The following LRRC4C variants were observed in gnomAD, a reference collection of about 807,000 sequenced individuals.
LRRC4C encodes the protein leucine-rich repeat-containing protein 4C.
In LRRC4C, 5 loss-of-function variants were observed where a neutral mutation model predicts 33.6. That is an observed-to-expected ratio of 0.15 (90% CI 0.08 to 0.31). The LOEUF (loss-of-function observed/expected upper bound fraction) is 0.31. Ranked by LOEUF, LRRC4C falls within the 10% of genes least tolerant of loss-of-function variation. The pLI is 1.00. For missense variants in LRRC4C, 560 were observed against 796.7 expected (o/e 0.70, Z 3.58); for synonymous variants, 329 against 302.0 (o/e 1.09, Z -0.93).
At chr11:40,723,049 A>G (rs994964992) in intron 2 of LRRC4C, among the ~76,000 whole-genome samples, 8 of 152,158 alleles carry the variant, frequency 5.3e-5, no homozygotes, top group Admixed American at 1.3e-4. Context: ...TCAGACAAAA[A>G]TAAAGAAAAA....
In LRRC4C at chr11:40,450,873, G is replaced by A. The variant is rs546079774; in HGVS notation, c.-269-131152C>T. On this transcript the variant is annotated intron_variant, in intron 3 of 6. Coordinates refer to ENST00000528697, the MANE Select transcript of LRRC4C (RefSeq NM_001258419.2). Reference sequence around the variant, plus strand: ...AAAGAGAAAGAAATTTTGGAAATTCGCAAACATGTGGAAGTTAAACAATAC... The same window carrying A: ...AAAGAGAAAGAAATTTTGGAAATTCACAAACATGTGGAAGTTAAACAATAC... Among the ~76,000 whole-genome samples, 11 of 150,996 alleles carry A rather than the reference G, an allele frequency of 7.3e-5. No individual in the cohort carries two copies. In the East Asian group the frequency reaches 1.6e-3, roughly 21 times the overall value.
At chr11:41,394,567 G>A (rs1953731817) in intron 1 of LRRC4C, 2 of 151,938 alleles carry the variant, frequency 1.3e-5, no homozygotes, top group Non-Finnish European at 2.9e-5. Context: ...AAAGAAGGAT[G>A]ATTTGATCCT....
chr11:40,347,825 C>T (rs1947203337), intron 3 of LRRC4C, among the ~76,000 whole-genome samples: 1 of 152,270 alleles, frequency 6.6e-6, no homozygotes, highest in South Asian at 2.1e-4. Flanking sequence ...TCAGGCTGGC[C>T]TCAGACTCCC....
intron 2 of LRRC4C, among the ~76,000 whole-genome samples, chr11:40,815,064 G>C (rs1951651905): frequency 6.6e-6 from 1 of 152,030 alleles, no homozygotes; most frequent in Non-Finnish European, 1.5e-5. Context: ...CCAATTTACT[G>C]TATTAGTCCA....
chr11:40,230,521 T>A (rs1172434963), intron 5 of LRRC4C, among the ~76,000 whole-genome samples: 1 of 152,106 alleles, frequency 6.6e-6, no homozygotes, highest in East Asian at 1.9e-4. Flanking sequence ...CAGACTTCAG[T>A]TGGGGTGATT....
At chr11:41,345,416 T>A (rs970039714) in intron 1 of LRRC4C, among the ~76,000 whole-genome samples, 4 of 152,216 alleles carry the variant, frequency 2.6e-5, no homozygotes, top group Non-Finnish European at 4.4e-5. Context: ...TGCTAATTGA[T>A]AAATGAATAT....
chr11:41,422,300 C>T (rs1954896728), intron 1 of LRRC4C, among the ~76,000 whole-genome samples: 1 of 152,008 alleles, frequency 6.6e-6, no homozygotes. Context: ...CCTGAACCAA[C>T]TATGACAATC....
chr11:40,604,543 T>C (rs2135831705), intron 3 of LRRC4C, among the ~76,000 whole-genome samples: 1 of 152,232 alleles, frequency 6.6e-6, no homozygotes, highest in Non-Finnish European at 1.5e-5. Flanking sequence ...AGGTAGTTTG[T>C]AATAAAATCT....
chr11:41,018,072 A>T (rs113284423), intron 1 of LRRC4C, among the ~76,000 whole-genome samples: 2 of 30,926 alleles, frequency 6.5e-5, no homozygotes, highest in East Asian at 8.2e-4. Flanking sequence ...TCCATGGACC[A>T]GGGGCAATAA....
chr11:40,908,617 T>C (rs1421033918), intron 2 of LRRC4C, among the ~76,000 whole-genome samples: 3 of 152,166 alleles, frequency 2.0e-5, no homozygotes, highest in Admixed American at 2.0e-4. Context: ...AACATTTAGA[T>C]GATCTTCTAA....
At chr11:41,393,508 A>G (rs1953685072) in intron 1 of LRRC4C, among the ~76,000 whole-genome samples, 1 of 151,840 alleles carries the variant, frequency 6.6e-6, no homozygotes, top group African/African-American at 2.4e-5. Context: ...AGAGAGCAGC[A>G]ATCACTCTTT....
intron 2 of LRRC4C, among the ~76,000 whole-genome samples, chr11:40,756,890 G>GA (rs760089245): frequency 2.9e-3 from 447 of 151,556 alleles, no homozygotes; most frequent in Admixed American, 5.1e-3. Flanking sequence ...CTTTCTGTCA[G>GA]ACTTTTTTTT....
At chr11:40,978,135 T>C (rs1346169587) in intron 1 of LRRC4C, among the ~76,000 whole-genome samples, 1 of 152,228 alleles carries the variant, frequency 6.6e-6, no homozygotes, top group Non-Finnish European at 1.5e-5. Flanking sequence ...CTTCCATTTA[T>C]TATTGCATTA....
intron 1 of LRRC4C, among the ~76,000 whole-genome samples, chr11:41,127,408 A>C (rs1942796674): frequency 6.6e-6 from 1 of 152,106 alleles, no homozygotes; most frequent in South Asian, 2.1e-4. Context: ...AAACGAAAGA[A>C]TATGGAAGTA....
intron 2 of LRRC4C, among the ~76,000 whole-genome samples, chr11:40,884,380 G>C (rs1360389895): frequency 6.6e-6 from 1 of 152,040 alleles, no homozygotes; most frequent in Non-Finnish European, 1.5e-5. Context: ...ACATATGTGT[G>C]CATGTTTATT....
rs1179668704 is a variant in LRRC4C at position 40,933,733 on chromosome 11, A to G, written c.-495-10T>C. 1.3e-5 allele frequency: 2 copies of G among 152,254 alleles called. No homozygotes were observed. The highest frequency in any genetic ancestry group is 2.1e-4 in the South Asian group (1 of 4,836). The allele number at this position is 152,254 out of a possible 1,614,324, so 9.4% of individuals were successfully genotyped here. On this transcript the variant is annotated splice_polypyrimidine_tract_variant and intron_variant, in intron 1 of 6. Coordinates refer to ENST00000528697, the MANE Select transcript of LRRC4C (RefSeq NM_001258419.2). Reference sequence around the variant, plus strand: ...GTAAAGAGAACCATTTCTAGAAAAGACATACGATTAAAACATGGCATTACA... The same window carrying G: ...GTAAAGAGAACCATTTCTAGAAAAGGCATACGATTAAAACATGGCATTACA...
chr11:40,649,310 C>T (rs899326805), intron 2 of LRRC4C, among the ~76,000 whole-genome samples: 1 of 152,070 alleles, frequency 6.6e-6, no homozygotes, highest in Non-Finnish European at 1.5e-5. Flanking sequence ...TTATAGACCT[C>T]CCCCCAAGAA....
intron 1 of LRRC4C, among the ~76,000 whole-genome samples, chr11:41,143,859 T>C (rs1272633388): frequency 6.6e-6 from 1 of 152,218 alleles, no homozygotes; most frequent in African/African-American, 2.4e-5. Context: ...CTTGCAAGCG[T>C]ATCCTCTGTT....
At chr11:40,686,026 T>G (rs550717848) in intron 2 of LRRC4C, among the ~76,000 whole-genome samples, 47 of 151,910 alleles carry the variant, frequency 3.1e-4, no homozygotes, top group African/African-American at 1.1e-3. Flanking sequence ...CAAGATAAAC[T>G]ACTTCTATGG....
Sources: gnomAD v4.1 joint callset for allele counts (sites outside exome capture counted in the v4.1 genomes callset) on GRCh38, gnomAD v4.1.1 for gene constraint, MANE v1.5 for transcripts, NCBI Gene and HGNC (gene_info 2026-07-23, HGNC 2026-07-21) for gene names.